Variants in CCNJL observed in about 807,000 individuals in gnomAD.
CCNJL encodes cyclin J like, also known as cyclin-J-like protein.
Under a neutral mutation model 33.4 loss-of-function variants are expected in CCNJL, and 33 were observed. The observed-to-expected ratio is 0.99, with a 90% CI of 0.75 to 1.32. The LOEUF is 1.32. Among genes scored for constraint, CCNJL ranks in the 40% most tolerant of loss-of-function variants. CCNJL has a pLI of 0.00. For missense variants in CCNJL, 512 were observed against 499.7 expected, an observed-to-expected ratio of 1.02 and a Z score of -0.23; for synonymous variants, 227 against 220.9, an observed-to-expected ratio of 1.03 and a Z score of -0.24.
chr5:160,269,265 T>C (rs1337326465), intron 3 of CCNJL, among the ~76,000 whole-genome samples: 1 of 152,174 alleles, frequency 6.6e-6, no homozygotes, highest in East Asian at 1.9e-4. Flanking sequence ...TGTGCTCCGC[T>C]TTACACGTGA....
chr5:160,329,985 A>C (rs1380298336), intron 1 of CCNJL, among the ~76,000 whole-genome samples: 1 of 152,084 alleles, frequency 6.6e-6, no homozygotes, highest in Non-Finnish European at 1.5e-5. Flanking sequence ...CCTCTTTCCA[A>C]CACAGACTCA....
chr5:160,311,792 C>T, intron 2 of CCNJL, 66 bp downstream of exon 2: 1 of 1,489,884 alleles, frequency 6.7e-7, no homozygotes, highest in Non-Finnish European at 9.4e-7. Flanking sequence ...GACCTGAGAA[C>T]ACGAAGTCGA....
At chr5:160,317,261 A>C (rs1355454732), upstream of CCNJL, among the ~76,000 whole-genome samples, 1 of 152,246 alleles carries the variant, frequency 6.6e-6, no homozygotes, top group Non-Finnish European at 1.5e-5. Context: ...AGGCAGGAAG[A>C]ATAAAAAAGC....
intron 3 of CCNJL, chr5:160,276,290 G>A (rs1387186235): frequency 3.1e-5 from 4 of 128,392 alleles, no homozygotes; most frequent in African/African-American, 1.2e-4. Context: ...GCTACTTGGG[G>A]CGGTGTGGGT....
intron 5 of CCNJL, chr5:160,255,268 G>A (rs1337002965): frequency 2.0e-5 from 4 of 204,406 alleles, no homozygotes; most frequent in African/African-American, 4.6e-5. Context: ...AGCCGAGATC[G>A]TGCCATTGCA....
chr5:160,258,441 GA>G, intron 4 of CCNJL: 1 of 1,015,006 alleles, frequency 9.9e-7, no homozygotes, highest in African/African-American at 1.6e-5. Context: ...TGTTTCACAT[GA>G]AGAGGGCACT....
chr5:160,301,975 C>A (rs1446913720), intron 2 of CCNJL, among the ~76,000 whole-genome samples: 1 of 149,946 alleles, frequency 6.7e-6, no homozygotes, highest in Middle Eastern at 3.7e-3. Flanking sequence ...TGTGATCCAC[C>A]CACCTCGGCC....
At chr5:160,333,271 C>T (rs182772699) in intron 1 of CCNJL, among the ~76,000 whole-genome samples, 9 of 152,136 alleles carry the variant, frequency 5.9e-5, no homozygotes, top group South Asian at 2.1e-4. Flanking sequence ...TACAGGCACC[C>T]GCCACCACGC....
chr5:160,312,079 T>G (rs1763282748), intron 1 of CCNJL, 107 bp from the exon 2 acceptor site: 3 of 694,030 alleles, frequency 4.3e-6, no homozygotes, highest in Non-Finnish European at 5.0e-6. Context: ...GGGCGCCCCC[T>G]CCTGCGCCGC....
chr5:160,311,997 C>G, intron 1 of CCNJL, 25 bp from the exon 2 acceptor site: 1 of 1,434,546 alleles, frequency 7.0e-7, no homozygotes, highest in Non-Finnish European at 9.8e-7. Flanking sequence ...GCAACTTCAG[C>G]GGCCAGAGCG....
chr5:160,293,552 T>G (rs930429370), intron 2 of CCNJL, among the ~76,000 whole-genome samples: 2 of 152,156 alleles, frequency 1.3e-5, no homozygotes, highest in African/African-American at 4.8e-5. Flanking sequence ...ACTCGGAGAA[T>G]GTACACATGT....
chr5:160,297,654 C>CAAAAAAAAAAAAAAAAAAAAA (rs59634260), intron 2 of CCNJL, among the ~76,000 whole-genome samples: 1 of 107,620 alleles, frequency 9.3e-6, no homozygotes, highest in Non-Finnish European at 2.0e-5. Context: ...TCTCTATTTA[C>CAAAAAAAAAAAAAAAAAAAAA]AAAAAAAAAA....
chr5:160,308,005 T>G (rs17057631), intron 2 of CCNJL, among the ~76,000 whole-genome samples: 14,506 of 152,152 alleles, frequency 0.095, 772 homozygotes, highest in South Asian at 0.21. Flanking sequence ...GATACATGAT[T>G]TTTGGTGAAC....
chr5:160,261,196 C>T (rs368046597), intron 3 of CCNJL: 1 of 152,198 alleles, frequency 6.6e-6, no homozygotes, highest in Non-Finnish European at 1.5e-5. Context: ...TTCCTGAGGA[C>T]GGCTCAAAAG....
intron 1 of CCNJL, among the ~76,000 whole-genome samples, chr5:160,332,868 TG>T (rs897222771): frequency 6.6e-6 from 1 of 152,204 alleles, no homozygotes; most frequent in Non-Finnish European, 1.5e-5. Context: ...CTCTGTCTCC[TG>T]GGTGGAGCAT....
intron 2 of CCNJL, among the ~76,000 whole-genome samples, chr5:160,310,060 T>C (rs1023280827): frequency 6.6e-6 from 1 of 152,200 alleles, no homozygotes; most frequent in Non-Finnish European, 1.5e-5. Flanking sequence ...ATGGCATTTA[T>C]TGCTCTTAGA....
chr5:160,282,865 TG>T (rs1762259451), intron 2 of CCNJL, among the ~76,000 whole-genome samples: 1 of 149,484 alleles, frequency 6.7e-6, no homozygotes. Flanking sequence ...ATACTGCTGG[TG>T]GGTAAGTAAA....
upstream of CCNJL, chr5:160,315,476 C>A: frequency 2.3e-6 from 1 of 438,754 alleles, no homozygotes; most frequent in Non-Finnish European, 4.6e-6. Context: ...CACTGCACTC[C>A]AGCCTGGGCA....
chr5:160,318,683 C>T (rs1763405627), intron 1 of CCNJL, among the ~76,000 whole-genome samples: 1 of 152,176 alleles, frequency 6.6e-6, no homozygotes, highest in South Asian at 2.1e-4. Context: ...TAAGGTAGAG[C>T]GTGTTGATTG....
Sources: allele counts gnomAD v4.1 joint callset (sites outside exome capture counted in the v4.1 genomes callset), GRCh38; gene constraint gnomAD v4.1.1; transcripts MANE v1.5; gene names NCBI Gene and HGNC (gene_info 2026-07-23, HGNC 2026-07-21).